Variants in ELMO1 observed in about 807,000 individuals in gnomAD.
ELMO1 encodes engulfment and cell motility protein 1.
ELMO1 carries 26 observed loss-of-function variants against 98.9 expected under a neutral mutation model. The ratio of observed to expected loss-of-function variants is 0.26; its 90% CI spans 0.19 to 0.36. The LOEUF is 0.36. Among genes scored for constraint, ELMO1 ranks in the 10% least tolerant of loss-of-function variants. The pLI is 1.00. For synonymous variants in ELMO1, 346 were observed against 346.0 expected (o/e 1.00, Z 0.00); for missense variants, 627 against 935.2 (o/e 0.67, Z 4.30).
intron 2 of ELMO1, among the ~76,000 whole-genome samples, chr7:37,341,997 T>C (rs540226635): frequency 2.0e-5 from 3 of 152,286 alleles, no homozygotes; most frequent in Admixed American, 6.5e-5. Context: ...AAGGATGCCT[T>C]TATGGGTCAA....
At chr7:37,056,248 G>A (rs979681547) in intron 15 of ELMO1, among the ~76,000 whole-genome samples, 1 of 152,208 alleles carries the variant, frequency 6.6e-6, no homozygotes, top group Non-Finnish European at 1.5e-5. Flanking sequence ...GAAATGCAGT[G>A]ATTAAAAAGC....
intron 1 of ELMO1, among the ~76,000 whole-genome samples, chr7:37,438,671 G>A (rs1805265593): frequency 6.6e-6 from 1 of 151,890 alleles, no homozygotes; most frequent in African/African-American, 2.4e-5. Flanking sequence ...AACGCTTTTA[G>A]GGTACTCTAC....
intron 2 of ELMO1, among the ~76,000 whole-genome samples, chr7:37,332,805 A>G (rs867013812): frequency 3.3e-5 from 5 of 152,222 alleles, no homozygotes; most frequent in African/African-American, 7.2e-5. Flanking sequence ...TCTGGATTCT[A>G]TTCTAGTGCA....
intron 13 of ELMO1, among the ~76,000 whole-genome samples, chr7:37,200,314 C>T (rs538252198): frequency 4.7e-5 from 7 of 150,380 alleles, no homozygotes; most frequent in African/African-American, 1.7e-4. Flanking sequence ...CTCCTGGCCT[C>T]AAGTGATCCT....
At chr7:37,225,562 C>A (rs998143097) in intron 8 of ELMO1, among the ~76,000 whole-genome samples, 1 of 152,162 alleles carries the variant, frequency 6.6e-6, no homozygotes, top group African/African-American at 2.4e-5. Context: ...CGGCCACTCT[C>A]TTAAACGAAA....
At chr7:37,194,470 G>A (rs886195068) in intron 13 of ELMO1, among the ~76,000 whole-genome samples, 8 of 151,680 alleles carry the variant, frequency 5.3e-5, no homozygotes, top group East Asian at 1.9e-4. Context: ...TTCTAGTTTC[G>A]GCCAATATCA....
At chr7:37,314,777 G>T (rs563949802) in intron 4 of ELMO1, 73 bp downstream of exon 4, 1 of 1,456,704 alleles carries the variant, frequency 6.9e-7, no homozygotes, top group South Asian at 1.2e-5. Context: ...GTCTAGGCCC[G>T]AACAAAGAAA....
In ELMO1 at chr7:37,225,516, T is replaced by C. The variant is rs747253655; in HGVS notation, c.550-486A>G. ...CTTAAGGGACTCGCACAAATCTCAC[T>C]TGTCAACACAATTCAACTGGCAACT... On this transcript the variant is annotated intron_variant, in intron 8 of 21. Transcript: ENST00000310758. 4.5e-4 allele frequency among the ~76,000 whole-genome samples: 68 copies of C among 152,330 alleles called. 1 individual carries two copies. The South Asian group carries it at 5.0e-3, about 11-fold the overall frequency.
At chr7:37,296,163 G>T (rs886615106) in intron 4 of ELMO1, among the ~76,000 whole-genome samples, 1 of 152,176 alleles carries the variant, frequency 6.6e-6, no homozygotes, top group Admixed American at 6.5e-5. Context: ...TGAAATCAAG[G>T]TGTCAGTCAG....
chr7:36,913,373 C>T (rs1784468207), intron 16 of ELMO1, among the ~76,000 whole-genome samples: 3 of 152,144 alleles, frequency 2.0e-5, no homozygotes, highest in Admixed American at 2.0e-4. Flanking sequence ...AAGTTTGTTT[C>T]ACAGGAAATT....
chr7:37,166,208 G>A (rs942275158), intron 13 of ELMO1, among the ~76,000 whole-genome samples: 20 of 151,898 alleles, frequency 1.3e-4, no homozygotes, highest in Non-Finnish European at 2.4e-4. Context: ...TTTTTATTGC[G>A]TCTATTTGAT....
chr7:37,176,392 T>C (rs370205981), intron 13 of ELMO1, among the ~76,000 whole-genome samples: 4 of 152,182 alleles, frequency 2.6e-5, no homozygotes, highest in East Asian at 3.8e-4. Context: ...AAGCAACATA[T>C]AGCCTAACGA....
chr7:37,273,022 C>T (rs1562572226), intron 4 of ELMO1, among the ~76,000 whole-genome samples: 3 of 152,178 alleles, frequency 2.0e-5, no homozygotes, highest in African/African-American at 4.8e-5. Flanking sequence ...ATCATTGTGA[C>T]GTCTGTCTCA....
At chr7:36,936,390 G>A (rs781381368) in intron 16 of ELMO1, among the ~76,000 whole-genome samples, 6 of 152,168 alleles carry the variant, frequency 3.9e-5, no homozygotes, top group East Asian at 1.9e-4. Flanking sequence ...CCTGGATTAC[G>A]CTGGCCCTGA....
In ELMO1 at chr7:37,025,895, TTCTATCTA is replaced by T. The variant is rs57497721; in HGVS notation, c.1301-12468_1301-12461del. Reference sequence around the variant, plus strand: ...TCTCTCCAAATATATATATTATATATTCTATCTATCTATCTATCTATCTATCTATCTAT... The same window carrying T: ...TCTCTCCAAATATATATATTATATATTCTATCTATCTATCTATCTATCTAT... On this transcript the variant is annotated intron_variant, in intron 15 of 21. Transcript: ENST00000310758. 5.3e-3 allele frequency among the ~76,000 whole-genome samples: 754 copies of T among 142,958 alleles called. 2 individuals carry two copies. Among genetic ancestry groups the T allele is most frequent in the East Asian group, 0.016 (79 of 4,898 alleles). 93.8% of individuals were successfully genotyped at this position (142,958 alleles called of 152,430 possible).
chr7:37,329,366 G>A (rs777091089), intron 2 of ELMO1, among the ~76,000 whole-genome samples: 1 of 152,126 alleles, frequency 6.6e-6, no homozygotes, highest in Non-Finnish European at 1.5e-5. Flanking sequence ...AGAGTAATTA[G>A]CATACCCATC....
intron 1 of ELMO1, among the ~76,000 whole-genome samples, chr7:37,418,752 C>G (rs1804342891): frequency 6.6e-6 from 1 of 152,154 alleles, no homozygotes; most frequent in Non-Finnish European, 1.5e-5. Context: ...CAGGCAGAAT[C>G]ACAGAAGTCA....
At chr7:37,114,010 C>T (rs1584664640) in intron 14 of ELMO1, among the ~76,000 whole-genome samples, 2 of 152,196 alleles carry the variant, frequency 1.3e-5, no homozygotes, top group African/African-American at 2.4e-5. Flanking sequence ...CCTAGCTGAT[C>T]TCTGTGGGTG....
chr7:37,266,617 T>C (rs189262021), intron 5 of ELMO1, among the ~76,000 whole-genome samples: 5 of 152,222 alleles, frequency 3.3e-5, no homozygotes, highest in Non-Finnish European at 5.9e-5. Context: ...GTTTTTAGCA[T>C]AGGGCATTAT....
Sources: gnomAD v4.1 joint callset for allele counts (sites outside exome capture counted in the v4.1 genomes callset) on GRCh38, gnomAD v4.1.1 for gene constraint, MANE v1.5 for transcripts, NCBI Gene and HGNC (gene_info 2026-07-23, HGNC 2026-07-21) for gene names.